COBL: variants seen among roughly 807,000 people sequenced by gnomAD.
COBL encodes protein cordon-bleu.
A neutral mutation model predicts 98.8 loss-of-function variants in COBL; 51 were observed. The observed-to-expected ratio is 0.52, with a 90% CI of 0.41 to 0.65. The LOEUF is 0.65. Among genes scored for constraint, COBL ranks in the 30% least tolerant of loss-of-function variants. The probability of loss-of-function intolerance (pLI) is 0.00; values close to 1 mark genes in which losing one functional copy is unlikely to be tolerated. For missense variants in COBL, 1,617 were observed against 1,617.5 expected, an observed-to-expected ratio of 1.00 and a Z score of 0.01; for synonymous variants, 634 against 651.7, an observed-to-expected ratio of 0.97 and a Z score of 0.41.
chr7:51,077,056 A>T (rs1793154512), intron 7 of COBL, among the ~76,000 whole-genome samples: 1 of 152,240 alleles, frequency 6.6e-6, no homozygotes, highest in Non-Finnish European at 1.5e-5. Flanking sequence ...CATTATGGTG[A>T]TTCACAATGA....
chr7:51,147,254 C>T (rs1785116824), intron 5 of COBL, among the ~76,000 whole-genome samples: 1 of 152,224 alleles, frequency 6.6e-6, no homozygotes, highest in Admixed American at 6.5e-5. Context: ...CCTTCCTTGT[C>T]CTAGCTCACA....
chr7:51,245,702 C>G (rs1796225421), intron 1 of COBL, among the ~76,000 whole-genome samples: 1 of 152,188 alleles, frequency 6.6e-6, no homozygotes, highest in Non-Finnish European at 1.5e-5. Flanking sequence ...TGTATGGTCT[C>G]AGATCTCAGA....
intron 6 of COBL, 27 bp downstream of exon 6, chr7:51,136,131 G>A: frequency 1.3e-6 from 2 of 1,593,938 alleles, no homozygotes; most frequent in Non-Finnish European, 1.7e-6. Flanking sequence ...AAGATGCTTT[G>A]GTTGTGAGAA....
At chr7:51,139,390 C>T (rs953069112) in intron 5 of COBL, among the ~76,000 whole-genome samples, 3 of 152,196 alleles carry the variant, frequency 2.0e-5, no homozygotes, top group African/African-American at 4.8e-5. Flanking sequence ...CCCAGTCCTC[C>T]TAGAAGTTCT....
intron 1 of COBL, among the ~76,000 whole-genome samples, chr7:51,241,090 G>C (rs1204398943): frequency 6.6e-6 from 1 of 152,122 alleles, no homozygotes; most frequent in Admixed American, 6.5e-5. Context: ...TAACCCTGCT[G>C]GTGTTCAGGC....
intron 1 of COBL, among the ~76,000 whole-genome samples, chr7:51,287,902 G>A (rs1195042048): frequency 1.3e-5 from 2 of 152,178 alleles, no homozygotes; most frequent in Non-Finnish European, 2.9e-5. Context: ...CTCAAAGGCA[G>A]TATGCTGTGC....
chr7:51,045,505 G>A (rs949541940), intron 7 of COBL, among the ~76,000 whole-genome samples: 12 of 152,336 alleles, frequency 7.9e-5, no homozygotes, highest in South Asian at 2.1e-4. Flanking sequence ...TGGACTGAGC[G>A]AGGTGGTGGC....
At chr7:51,040,806 A>C (rs1789107764) in intron 8 of COBL, among the ~76,000 whole-genome samples, 1 of 152,092 alleles carries the variant, frequency 6.6e-6, no homozygotes, top group Non-Finnish European at 1.5e-5. Flanking sequence ...GGTTCCAAAG[A>C]CTCAATGATT....
chr7:51,087,723 C>T (rs986721098), intron 6 of COBL, among the ~76,000 whole-genome samples: 8 of 151,016 alleles, frequency 5.3e-5, no homozygotes, highest in African/African-American at 1.9e-4. Flanking sequence ...ATGCACCCGC[C>T]TCGGCCTCCC....
intron 1 of COBL, among the ~76,000 whole-genome samples, chr7:51,285,587 G>A (rs1261008726): frequency 1.3e-5 from 2 of 152,172 alleles, no homozygotes; most frequent in African/African-American, 4.8e-5. Flanking sequence ...AAGATTGTAT[G>A]CTGAGAACTA....
Position 51,186,586 on chromosome 7 carries a change from G to A in COBL, c.686-2387C>T, listed in dbSNP as rs116941690. 8.2e-3 allele frequency among the ~76,000 whole-genome samples: 1,252 copies of A among 152,304 alleles called. 67 individuals carry two copies. The South Asian group carries it at 0.14, about 17-fold the overall frequency. On this transcript the variant is annotated intron_variant, in intron 4 of 12. Coordinates refer to ENST00000265136, the MANE Select transcript of COBL (RefSeq NM_015198.5). Reference sequence around the variant, plus strand: ...GGACTGAGGTCGGCTCCCTGACGAAGGGTCCAGGACAGCCCCGGCACCAGA... The same window carrying A: ...GGACTGAGGTCGGCTCCCTGACGAAAGGTCCAGGACAGCCCCGGCACCAGA...
At chr7:51,310,895 A>T (rs1802963449) in intron 1 of COBL, among the ~76,000 whole-genome samples, 1 of 151,756 alleles carries the variant, frequency 6.6e-6, no homozygotes, top group Non-Finnish European at 1.5e-5. Flanking sequence ...TGACCTCGTG[A>T]TCAACCCACC....
chr7:51,258,452 C>A (rs1357770318), intron 1 of COBL, among the ~76,000 whole-genome samples: 1 of 152,188 alleles, frequency 6.6e-6, no homozygotes, highest in Non-Finnish European at 1.5e-5. Context: ...ATGGAATGTA[C>A]TGATTTCAGA....
At chr7:51,027,347 C>T (rs563831225) in intron 10 of COBL, among the ~76,000 whole-genome samples, 2 of 152,310 alleles carry the variant, frequency 1.3e-5, no homozygotes, top group South Asian at 4.1e-4. Context: ...AGTGGCCCTG[C>T]CTGAATTTTC....
chr7:51,208,159 G>T (rs1191638555), intron 2 of COBL, among the ~76,000 whole-genome samples: 2 of 148,430 alleles, frequency 1.3e-5, no homozygotes, highest in Non-Finnish European at 3.0e-5. Flanking sequence ...CTGCCTGGCC[G>T]CCCCGTCTGA....
intron 1 of COBL, among the ~76,000 whole-genome samples, chr7:51,241,043 C>G (rs1795742300): frequency 6.6e-6 from 1 of 152,200 alleles, no homozygotes; most frequent in African/African-American, 2.4e-5. Flanking sequence ...AGAGCTGTAT[C>G]TGATCCAGCC....
chr7:51,041,307 A>G (rs1449845205), intron 8 of COBL, among the ~76,000 whole-genome samples: 2 of 152,142 alleles, frequency 1.3e-5, no homozygotes, highest in Non-Finnish European at 2.9e-5. Flanking sequence ...GTTAGGTACA[A>G]AGAAATATAA....
Position 51,191,045 on chromosome 7 carries a change from T to C in COBL, c.490A>G (p.Thr164Ala), listed in dbSNP as rs1468924357. Residue 164 changes from threonine to alanine, a missense_variant, in exon 4 of 13, where the codon ACA (threonine) becomes GCA (alanine). Coordinates refer to ENST00000265136, the MANE Select transcript of COBL (RefSeq NM_015198.5). ...CTCACACGCACAACAGCTTTTTGTG[T>C]CCGCAGGTAATTCACGACCAAACGC... ...SVRLVVNYLR[T>A]QKAVVRVSPE... 1 of 1,614,114 alleles carries C rather than the reference T, an allele frequency of 6.2e-7. No homozygotes were observed. The highest frequency in any genetic ancestry group is 8.5e-7 in the Non-Finnish European group (1 of 1,180,038).
chr7:51,264,313 G>A (rs1377172655), intron 1 of COBL, among the ~76,000 whole-genome samples: 1 of 152,180 alleles, frequency 6.6e-6, no homozygotes, highest in Non-Finnish European at 1.5e-5. Flanking sequence ...AGGGCACAGA[G>A]AGTGAGGACA....
Sources: gnomAD v4.1 joint callset for allele counts (sites outside exome capture counted in the v4.1 genomes callset) on GRCh38, gnomAD v4.1.1 for gene constraint, MANE v1.5 for transcripts, NCBI Gene and HGNC (gene_info 2026-07-23, HGNC 2026-07-21) for gene names.